RXRA: variants seen among roughly 807,000 people sequenced by gnomAD.
RXRA encodes retinoid X receptor alpha.
A neutral mutation model predicts 44.5 loss-of-function variants in RXRA; 5 were observed. That is an observed-to-expected ratio of 0.11 (90% CI 0.06 to 0.24). RXRA has a LOEUF of 0.24. Ranked by LOEUF, RXRA falls within the 10% of genes least tolerant of loss-of-function variation. The pLI is 1.00. For synonymous variants in RXRA, 291 were observed against 271.4 expected (o/e 1.07, Z -0.71); for missense variants, 412 against 646.5 (o/e 0.64, Z 3.93).
rs966826769 is a variant in RXRA, at chr9:134,437,929, TG to T, written c.*1320del. The T allele has an allele frequency of 9.2e-6, 1 of 108,718 alleles. No homozygotes were observed. The highest frequency in any genetic ancestry group is 1.9e-5 in the Non-Finnish European group (1 of 52,678). 6.7% of individuals were successfully genotyped at this position (108,718 alleles called of 1,614,324 possible). A position where few individuals can be genotyped will look rare whatever the true frequency, so the allele number is the denominator to read the frequency against. ...ACGCCTGCTCTGGTTGAAGGTGGGGTGGGGGCGGGGCTTGGGGCCTCCCTGG... is the reference window on the plus strand; with the variant it reads ...ACGCCTGCTCTGGTTGAAGGTGGGGTGGGGCGGGGCTTGGGGCCTCCCTGG... On this transcript the variant is annotated 3_prime_UTR_variant, in exon 10 of 10. Transcript: ENST00000481739.
At chr9:134,429,770 G>T (rs920873208) in intron 7 of RXRA, among the ~76,000 whole-genome samples, 1 of 152,194 alleles carries the variant, frequency 6.6e-6, no homozygotes, top group Non-Finnish European at 1.5e-5. Flanking sequence ...TGGCTGGAGG[G>T]CCCACCCTCG....
At chr9:134,391,503 G>A (rs909278567) in intron 1 of RXRA, among the ~76,000 whole-genome samples, 2 of 152,210 alleles carry the variant, frequency 1.3e-5, no homozygotes, top group African/African-American at 4.8e-5. Context: ...CGCCACACAG[G>A]CGGGCTGTGG....
At chr9:134,335,418 A>G (rs560314724) in intron 1 of RXRA, among the ~76,000 whole-genome samples, 5 of 152,292 alleles carry the variant, frequency 3.3e-5, no homozygotes, top group Admixed American at 6.5e-5. Flanking sequence ...GGCAGAGAGA[A>G]TGGATGGATT....
At chr9:134,355,696 G>A (rs1050808267) in intron 1 of RXRA, among the ~76,000 whole-genome samples, 5 of 152,094 alleles carry the variant, frequency 3.3e-5, no homozygotes, top group African/African-American at 1.2e-4. Flanking sequence ...CCCGCTGGGT[G>A]GGGGAGGTCC....
intron 1 of RXRA, among the ~76,000 whole-genome samples, chr9:134,390,699 G>A (rs890652162): frequency 1.8e-4 from 27 of 152,198 alleles, no homozygotes; most frequent in African/African-American, 6.3e-4. Context: ...CAGGGAGGGC[G>A]CCCATGTTGG....
chr9:134,337,616 C>T (rs553996428), intron 1 of RXRA, among the ~76,000 whole-genome samples: 25 of 152,170 alleles, frequency 1.6e-4, no homozygotes, highest in Non-Finnish European at 2.6e-4. Flanking sequence ...GAGGCATTAG[C>T]GGCTCACCCT....
intron 1 of RXRA, among the ~76,000 whole-genome samples, chr9:134,364,627 C>T (rs1338722301): frequency 6.6e-6 from 1 of 152,194 alleles, no homozygotes; most frequent in Admixed American, 6.5e-5. Flanking sequence ...CACTTCCTGC[C>T]AGGGGTGTGG....
chr9:134,354,418 G>A lies in RXRA; in HGVS notation c.28+27759G>A, dbSNP rs530895266. On this transcript the variant is annotated intron_variant, in intron 1 of 9. Coordinates refer to ENST00000481739, the MANE Select transcript of RXRA (RefSeq NM_002957.6). ...TGAGGAGGTGGTCGGTGCGTGTGTG[G>A]TGGTGGAACGAATGAACTCACCCGG... Among the ~76,000 whole-genome samples, 196 of 152,344 alleles carry A rather than the reference G, an allele frequency of 1.3e-3. 1 individual carries two copies. The highest frequency in any genetic ancestry group is 4.4e-3 in the African/African-American group (181 of 41,568).
intron 1 of RXRA, among the ~76,000 whole-genome samples, chr9:134,372,635 G>T (rs1247064281): frequency 6.6e-6 from 1 of 152,164 alleles, no homozygotes. Flanking sequence ...GGAGACAGAG[G>T]ATCAGAGAGG....
chr9:134,348,687 CG>C lies in RXRA; in HGVS notation c.28+22032del, dbSNP rs376434544. Reference sequence around the variant, plus strand: ...TCCCGGCCTACGTACGCCCTGTCCTCGGGGTCCTAGGCTGCATGGCACCTGC... The same window carrying C: ...TCCCGGCCTACGTACGCCCTGTCCTCGGGTCCTAGGCTGCATGGCACCTGC... On this transcript the variant is annotated intron_variant, in intron 1 of 9. Coordinates refer to ENST00000481739, the MANE Select transcript of RXRA (RefSeq NM_002957.6). Among the ~76,000 whole-genome samples the C allele has an allele frequency of 9.0e-3, 1,368 of 152,364 alleles. 8 individuals are homozygous for C. Among genetic ancestry groups the C allele is most frequent in the Non-Finnish European group, 0.015 (1,012 of 68,032 alleles).
chr9:134,423,410 C>A (rs918388466), intron 6 of RXRA: 2 of 985,320 alleles, frequency 2.0e-6, no homozygotes, highest in Non-Finnish European at 1.2e-6. Context: ...CAAGGCGGCT[C>A]CTAAGTGGCA....
chr9:134,370,760 G>C (rs904523179), intron 1 of RXRA, among the ~76,000 whole-genome samples: 1 of 152,184 alleles, frequency 6.6e-6, no homozygotes, highest in Non-Finnish European at 1.5e-5. Flanking sequence ...TGGCGGCGCC[G>C]GGTGGGCCTT....
At chr9:134,341,352 C>T (rs1195153809) in intron 1 of RXRA, among the ~76,000 whole-genome samples, 1 of 152,038 alleles carries the variant, frequency 6.6e-6, no homozygotes, top group Admixed American at 6.5e-5. Flanking sequence ...GGGGTTCTGG[C>T]GTGTGGTTGG....
At chr9:134,336,669 G>A (rs1396380742) in intron 1 of RXRA, among the ~76,000 whole-genome samples, 3 of 152,286 alleles carry the variant, frequency 2.0e-5, no homozygotes, top group East Asian at 1.9e-4. Flanking sequence ...CTCATGGCTC[G>A]GAGCTGGCTC....
At chr9:134,422,044 C>T (rs561142333) in intron 6 of RXRA, 5 of 1,358,782 alleles carry the variant, frequency 3.7e-6, no homozygotes, top group East Asian at 6.3e-5. Flanking sequence ...GCTCCCATCT[C>T]CCAGGACGCT....
At chr9:134,357,101 C>T (rs936890262) in intron 1 of RXRA, among the ~76,000 whole-genome samples, 1 of 152,264 alleles carries the variant, frequency 6.6e-6, no homozygotes, top group Non-Finnish European at 1.5e-5. Flanking sequence ...AGCCCACACC[C>T]TGAATCTCCT....
intron 1 of RXRA, among the ~76,000 whole-genome samples, chr9:134,400,458 G>T (rs888276740): frequency 6.6e-6 from 1 of 152,240 alleles, no homozygotes. Flanking sequence ...CCATTCTGCA[G>T]ATGGGAAGGC....
chr9:134,383,557 A>G (rs1213961534), intron 1 of RXRA, among the ~76,000 whole-genome samples: 2 of 152,090 alleles, frequency 1.3e-5, no homozygotes, highest in Non-Finnish European at 2.9e-5. Context: ...AATGAAGCGC[A>G]TTGATGGGGT....
intron 1 of RXRA, among the ~76,000 whole-genome samples, chr9:134,398,318 C>T (rs1830909697): frequency 6.6e-6 from 1 of 152,134 alleles, no homozygotes; most frequent in Non-Finnish European, 1.5e-5. Context: ...CTATGGTAGC[C>T]ACCACTTAAT....
Sources: allele counts gnomAD v4.1 joint callset (sites outside exome capture counted in the v4.1 genomes callset), GRCh38; gene constraint gnomAD v4.1.1; transcripts MANE v1.5; gene names NCBI Gene and HGNC (gene_info 2026-07-23, HGNC 2026-07-21).